Variants in PPP2R1B observed in about 807,000 individuals in gnomAD.
PPP2R1B encodes the protein serine/threonine-protein phosphatase 2A 65 kDa regulatory subunit A beta isoform.
A neutral mutation model predicts 72.7 loss-of-function variants in PPP2R1B; 58 were observed. The ratio of observed to expected loss-of-function variants is 0.80; its 90% CI spans 0.65 to 0.99. The LOEUF (loss-of-function observed/expected upper bound fraction) is 0.99. PPP2R1B is among the 50% of genes least tolerant of loss of function. The probability of loss-of-function intolerance (pLI) is 0.00; values close to 1 mark genes in which losing one functional copy is unlikely to be tolerated. For missense variants in PPP2R1B, 695 were observed against 733.6 expected (o/e 0.95, Z 0.61); for synonymous variants, 256 against 264.6 (o/e 0.97, Z 0.32).
chr11:111,763,605 C>G lies in PPP2R1B; in HGVS notation c.306+1200G>C, dbSNP rs150242935. Among the ~76,000 whole-genome samples, 449 of 152,218 alleles carry G rather than the reference C, an allele frequency of 2.9e-3. 1 individual carries two copies. The highest frequency in any genetic ancestry group is 0.01 in the African/African-American group (424 of 41,534). On this transcript the variant is annotated intron_variant, in intron 3 of 14. Coordinates refer to ENST00000527614, the MANE Select transcript of PPP2R1B (RefSeq NM_002716.5). ...GACTTATTTGAAATATACGTAGACT[C>G]TATAGGAATTACTAATGGATTAGAT...
the PPP2R1B span, among the ~76,000 whole-genome samples, chr11:111,710,797 C>A: frequency 0.58 from 88,055 of 152,102 alleles, 29,301 homozygotes; most frequent in East Asian, 0.87. Context: ...CGTGATGGAG[C>A]CAGGAATCAA....
At chr11:111,744,829 AC>A (rs766997032) in intron 11 of PPP2R1B, among the ~76,000 whole-genome samples, 24 of 152,264 alleles carry the variant, frequency 1.6e-4, no homozygotes, top group Non-Finnish European at 2.9e-4. Flanking sequence ...TAGACAAGTG[AC>A]CCATACAACT....
At chr11:111,764,746 A>G (rs1434330980) in intron 3 of PPP2R1B, 59 bp downstream of exon 3, 2 of 1,536,368 alleles carry the variant, frequency 1.3e-6, no homozygotes, top group African/African-American at 2.7e-5. Context: ...TCACCAAACA[A>G]TGTATCATTT....
chr11:111,716,007 G>A, the PPP2R1B span, among the ~76,000 whole-genome samples: 2 of 151,884 alleles, frequency 1.3e-5, no homozygotes, highest in African/African-American at 4.8e-5. Context: ...TTGCCATGTT[G>A]GCCAGGCTGG....
Position 111,747,996 on chromosome 11 carries a change from CA to C in PPP2R1B, c.1356del (p.Asp452GlufsTer4). The C allele has an allele frequency of 6.2e-7, 1 of 1,613,346 alleles. No individual in the cohort carries two copies. The highest frequency in any genetic ancestry group is 1.1e-5 in the South Asian group (1 of 91,054). On this transcript the variant is annotated frameshift_variant, in exon 11 of 15. Transcript: ENST00000527614. LOFTEE classifies it high-confidence loss of function. Reference sequence around the variant, plus strand: ...GCCATACATAAAGAATTCAGCTTTTCATCAAAGAATTCCACACCCTACAGAT... The same window carrying C: ...GCCATACATAAAGAATTCAGCTTTTCTCAAAGAATTCCACACCCTACAGAT... Reference protein sequence around the residue: ...LAGQLGVEFFDEKLNSLCMAW... With the variant: ...LAGQLGVEFFXEKLNSLCMAW...
Position 111,741,563 on chromosome 11 carries a change from A to C in PPP2R1B, c.*33T>G. On this transcript the variant is annotated 3_prime_UTR_variant, in exon 15 of 15. Coordinates refer to ENST00000527614, the MANE Select transcript of PPP2R1B (RefSeq NM_002716.5). ...CATTGACTAGAAATTTGTGACAAGA[A>C]TCTAGTAAAGGCCTTTTCCCTCCTG... is the stretch of plus-strand genomic sequence containing the variant. The C allele has an allele frequency of 1.2e-6, 2 of 1,608,462 alleles. No homozygotes were observed. Among genetic ancestry groups the C allele is most frequent in the Non-Finnish European group, 8.5e-7 (1 of 1,178,722 alleles).
intron 5 of PPP2R1B, among the ~76,000 whole-genome samples, chr11:111,757,709 C>T (rs899437995): frequency 6.6e-6 from 1 of 151,904 alleles, no homozygotes; most frequent in African/African-American, 2.4e-5. Flanking sequence ...GTGGCAGGCG[C>T]CTGTAATTCC....
At chr11:111,741,654 T>C (rs1738902062) in intron 14 of PPP2R1B, 42 bp from the exon 15 acceptor site, 3 of 1,594,186 alleles carry the variant, frequency 1.9e-6, no homozygotes, top group Non-Finnish European at 2.6e-6. Context: ...GTACAGAAAG[T>C]TCACGAACGA....
Position 111,740,560 on chromosome 11 carries a change from T to C in PPP2R1B, c.*1036A>G. ...GCTTCAGTAAACTCTTCAGCTTAACTCATTATCTTAAATTTCAGAATTAAT... is the reference window on the plus strand; with the variant it reads ...GCTTCAGTAAACTCTTCAGCTTAACCCATTATCTTAAATTTCAGAATTAAT... On this transcript the variant is annotated 3_prime_UTR_variant, in exon 15 of 15. Coordinates refer to ENST00000527614, the MANE Select transcript of PPP2R1B (RefSeq NM_002716.5). 2 of 984,850 alleles carry C rather than the reference T, an allele frequency of 2.0e-6. No homozygotes were observed. The highest frequency in any genetic ancestry group is 9.4e-5 in the South Asian group (2 of 21,266). The allele number at this position is 984,850 out of a possible 1,614,324, so 61.0% of individuals were successfully genotyped here.
chr11:111,699,586 A>G, the PPP2R1B span, among the ~76,000 whole-genome samples: 94 of 152,318 alleles, frequency 6.2e-4, no homozygotes, highest in Admixed American at 1.3e-3. Context: ...TCATAACTTC[A>G]TAGGTTGTAC....
chr11:111,709,269 C>G, the PPP2R1B span, among the ~76,000 whole-genome samples: 1 of 152,122 alleles, frequency 6.6e-6, no homozygotes, highest in Non-Finnish European at 1.5e-5. Flanking sequence ...TAAGGATACC[C>G]GCTGTGTGGG....
the PPP2R1B span, among the ~76,000 whole-genome samples, chr11:111,696,810 A>G: frequency 2.0e-5 from 3 of 152,230 alleles, no homozygotes; most frequent in East Asian, 5.8e-4. Context: ...TGTGGTTAGT[A>G]TGATGAAGCA....
At chr11:111,721,076 G>A in the PPP2R1B span, 1 of 1,604,258 alleles carries the variant, frequency 6.2e-7, no homozygotes, top group Admixed American at 1.7e-5. Context: ...GGTACCTTGG[G>A]CCCTTCCCTC....
chr11:111,754,387 CCT>C, intron 8 of PPP2R1B, 110 bp downstream of exon 8: 2 of 1,380,674 alleles, frequency 1.4e-6, no homozygotes, highest in Non-Finnish European at 9.7e-7. Flanking sequence ...CCATTCATTC[CCT>C]GTCAACCTTT....
chr11:111,691,380 A>G, the PPP2R1B span, among the ~76,000 whole-genome samples: 2 of 152,208 alleles, frequency 1.3e-5, no homozygotes, highest in African/African-American at 4.8e-5. Context: ...TCATCTTCAC[A>G]GCAATCTTGG....
In PPP2R1B at chr11:111,764,879, G is replaced by A; in HGVS notation, c.232C>T (p.Leu78=). ...CCCAGCTGCTCAGCAAGAGCTAATA[G>A]TACCTCATCTTCATCATAAATTGTA... ...TDTIYDEDEV[L]LALAEQLGNF... is the part of the protein sequence containing the mutation. Residue 78 remains leucine (L), a synonymous_variant, in exon 3 of 15, where the codon CTA becomes TTA. Coordinates refer to ENST00000527614, the MANE Select transcript of PPP2R1B (RefSeq NM_002716.5). The A allele has an allele frequency of 6.2e-7, 1 of 1,614,004 alleles. No homozygotes were observed. Among genetic ancestry groups the A allele is most frequent in the Non-Finnish European group, 8.5e-7 (1 of 1,180,006 alleles).
the PPP2R1B span, among the ~76,000 whole-genome samples, chr11:111,718,519 G>A: frequency 9.2e-5 from 14 of 152,190 alleles, no homozygotes; most frequent in African/African-American, 2.7e-4. Flanking sequence ...CACCTTACCC[G>A]AGTGAGGGCT....
Position 111,764,805 on chromosome 11 carries a change from C to T in PPP2R1B, c.306G>A (p.Leu102=), listed in dbSNP as rs1555052469. The T allele has an allele frequency of 3.7e-6, 6 of 1,613,884 alleles. No homozygotes were observed. Among genetic ancestry groups the T allele is most frequent in the Non-Finnish European group, 5.1e-6 (6 of 1,179,954 alleles). Residue 102 remains leucine (L), a splice_region_variant and synonymous_variant, in exon 3 of 15, where the codon CTG becomes CTA. Coordinates refer to ENST00000527614, the MANE Select transcript of PPP2R1B (RefSeq NM_002716.5). The part of the protein sequence containing the change: ...VGGPDFAHCL[L]PPLENLATVE... ...GGGTAGGCAGCTTATAAATACTCAC[C>T]AGCAGACAGTGGGCAAAGTCAGGAC...
the PPP2R1B span, among the ~76,000 whole-genome samples, chr11:111,710,803 A>G: frequency 6.6e-6 from 1 of 152,246 alleles, no homozygotes; most frequent in African/African-American, 2.4e-5. Context: ...GGAGCCAGGA[A>G]TCAAACTCAG....
Sources: gnomAD v4.1 joint callset for allele counts (sites outside exome capture counted in the v4.1 genomes callset) on GRCh38, gnomAD v4.1.1 for gene constraint, MANE v1.5 for transcripts, NCBI Gene and HGNC (gene_info 2026-07-23, HGNC 2026-07-21) for gene names.